CCT6A: variants seen among roughly 807,000 people sequenced by gnomAD.
The protein encoded by CCT6A is T-complex protein 1 subunit zeta.
In CCT6A, 6 loss-of-function variants were observed where a neutral mutation model predicts 58.6. The observed-to-expected ratio is 0.10, with a 90% CI of 0.06 to 0.20. The LOEUF is 0.20. Ranked by LOEUF, CCT6A falls within the 10% of genes least tolerant of loss-of-function variation. The pLI is 1.00. For missense variants in CCT6A, 516 were observed against 648.8 expected, an observed-to-expected ratio of 0.80 and a Z score of 2.22; for synonymous variants, 245 against 227.8, an observed-to-expected ratio of 1.08 and a Z score of -0.68.
intron 3 of CCT6A, 134 bp downstream of exon 3, chr7:56,054,637 C>A: frequency 1.3e-6 from 1 of 794,500 alleles, no homozygotes. Context: ...GGTCTTTATC[C>A]TGGTCTAAAA....
At chr7:56,052,875 C>T (rs973794701) in intron 2 of CCT6A, among the ~76,000 whole-genome samples, 6 of 151,742 alleles carry the variant, frequency 4.0e-5, no homozygotes, top group Non-Finnish European at 8.8e-5. Context: ...CTCACTGCAA[C>T]CTCTCCCTCC....
intron 13 of CCT6A, 48 bp downstream of exon 13, chr7:56,062,803 T>C (rs749624250): frequency 1.3e-6 from 2 of 1,496,218 alleles, no homozygotes; most frequent in East Asian, 4.5e-5. Flanking sequence ...TCATACTTTT[T>C]TCATTTGGTG....
intron 2 of CCT6A, among the ~76,000 whole-genome samples, chr7:56,052,866 T>A (rs1584544844): frequency 1.3e-5 from 2 of 150,912 alleles, no homozygotes; most frequent in East Asian, 2.0e-4. Context: ...CAATCTCAAC[T>A]CACTGCAACC....
At position 56,051,772 on chromosome 7, in the gene CCT6A, C is replaced by G. The variant is rs904308540; in HGVS notation, c.-77C>G. On this transcript the variant is annotated 5_prime_UTR_variant, in exon 1 of 14. Coordinates refer to ENST00000275603, the MANE Select transcript of CCT6A (RefSeq NM_001762.4). Reference sequence around the variant, plus strand: ...AGACGGGCCGACTTTTCCAGAAGACCCGGATAGTTCCTCCCGGCCACGCCG... The same window carrying G: ...AGACGGGCCGACTTTTCCAGAAGACGCGGATAGTTCCTCCCGGCCACGCCG... 31 of 1,516,258 alleles carry G rather than the reference C, an allele frequency of 2.0e-5. No individual in the cohort carries two copies. Among genetic ancestry groups the G allele is most frequent in the African/African-American group, 8.6e-5 (6 of 69,848 alleles). The allele number at this position is 1,516,258 out of a possible 1,614,324, so 93.9% of individuals were successfully genotyped here. A position where few individuals can be genotyped will look rare whatever the true frequency, so the allele number is the denominator to read the frequency against.
At chr7:56,062,626 C>T in intron 12 of CCT6A, 57 bp from the exon 13 acceptor site, 1 of 1,372,434 alleles carries the variant, frequency 7.3e-7, no homozygotes, top group Non-Finnish European at 1.0e-6. Flanking sequence ...CAAAGCTGCA[C>T]ACAATATTGT....
Position 56,063,082 on chromosome 7 carries a change from T to C in CCT6A, c.1593T>C (p.Gly531=). The change falls in exon 14 of 14, where the codon GGT becomes GGC. Residue 531 remains glycine (G), a synonymous_variant. Coordinates refer to ENST00000275603, the MANE Select transcript of CCT6A (RefSeq NM_001762.4). The stretch of plus-strand genomic sequence containing the variant: ...GAGCTGGAATGTCTTCTCTGAAAGG[T>C]TGAATTGAAGCTTCCTCTGTATCTG... ...IMRAGMSSLK[G] 8.1e-6 allele frequency: 13 copies of C among 1,597,346 alleles called. No homozygotes were observed. The highest frequency in any genetic ancestry group is 1.1e-5 in the South Asian group (1 of 90,766).
At chr7:56,062,329 A>G (rs1256596304) in intron 12 of CCT6A, among the ~76,000 whole-genome samples, 1 of 152,220 alleles carries the variant, frequency 6.6e-6, no homozygotes, top group Non-Finnish European at 1.5e-5. Flanking sequence ...AGGTACCTCC[A>G]TGCAGTATGT....
intron 3 of CCT6A, chr7:56,055,363 G>A (rs1288882047): frequency 2.8e-5 from 15 of 541,532 alleles, no homozygotes; most frequent in Non-Finnish European, 5.1e-5. Flanking sequence ...ATTCAGAGTG[G>A]TTTGCACAGT....
At position 56,060,261 on chromosome 7, in the gene CCT6A, A is replaced by G; in HGVS notation, c.1066-8A>G. 6.2e-6 allele frequency: 10 copies of G among 1,611,756 alleles called. No homozygotes were observed. The highest frequency in any genetic ancestry group is 1.3e-5 in the African/African-American group (1 of 74,950). ...TGTTTTTGAAAATCATATTTTTTCT[A>G]CACATAGGGAGAAGAGAAGTTTACC... On this transcript the variant is annotated splice_region_variant and splice_polypyrimidine_tract_variant and intron_variant, in intron 9 of 13. Coordinates refer to ENST00000275603, the MANE Select transcript of CCT6A (RefSeq NM_001762.4).
chr7:56,056,357 T>C lies in CCT6A; in HGVS notation c.557T>C (p.Ile186Thr), dbSNP rs781645918. 6.2e-7 allele frequency: 1 copy of C among 1,603,486 alleles called. No individual in the cohort carries two copies. The highest frequency in any genetic ancestry group is 8.5e-7 in the Non-Finnish European group (1 of 1,170,264). Residue 186 changes from isoleucine to threonine, a missense_variant, in exon 5 of 14, where the codon ATT becomes ACT. This residue lies in a region of CCT6A where 85 missense variants were observed against 74.9 expected (regional missense o/e 1.13). Coordinates refer to ENST00000275603, the MANE Select transcript of CCT6A (RefSeq NM_001762.4). ...GCCATTAAAAAGCAAGATGAACCTA[T>C]TGATCTCTTCATGATTGAGATCATG... ...ILAIKKQDEP[I>T]DLFMIEIMEM...
chr7:56,056,620 G>T (rs1400377728), intron 5 of CCT6A, among the ~76,000 whole-genome samples: 3 of 151,800 alleles, frequency 2.0e-5, no homozygotes, highest in Non-Finnish European at 4.4e-5. Flanking sequence ...TACTCGGGAG[G>T]CTGAGGCAGC....
intron 2 of CCT6A, among the ~76,000 whole-genome samples, chr7:56,053,628 C>T (rs1037015645): frequency 1.5e-4 from 23 of 152,050 alleles, no homozygotes; most frequent in Admixed American, 1.3e-4. Context: ...GTCCTGCACG[C>T]CTGTAGTCCC....
intron 2 of CCT6A, among the ~76,000 whole-genome samples, chr7:56,052,716 T>C (rs1794176469): frequency 6.6e-6 from 1 of 152,154 alleles, no homozygotes; most frequent in Non-Finnish European, 1.5e-5. Context: ...AGTTAATTAT[T>C]TTAAAACTTG....
Position 56,055,667 on chromosome 7 carries a change from A to C in CCT6A, c.380A>C (p.Lys127Thr), listed in dbSNP as rs1794289558. Reference protein sequence around the residue: ...RIITEGFEAAKEKALQFLEEV... With the variant: ...RIITEGFEAATEKALQFLEEV... ...ATCACTGAAGGATTTGAAGCTGCAA[A>C]GGAAAAGGCCCTTCAGTTTTTGGAA... Residue 127 changes from lysine (K) to threonine (T), a missense_variant, in exon 4 of 14, where the codon AAG becomes ACG. Transcript: ENST00000275603. 2.5e-6 allele frequency: 4 copies of C among 1,613,892 alleles called. No individual in the cohort carries two copies. The East Asian group carries it at 8.9e-5, about 36-fold the overall frequency.
At chr7:56,062,852 G>T (rs1293132058) in intron 13 of CCT6A, 97 bp downstream of exon 13, 3 of 1,201,274 alleles carry the variant, frequency 2.5e-6, no homozygotes, top group Non-Finnish European at 3.7e-6. Context: ...TGAATAATGT[G>T]ATCAGCTGGA....
chr7:56,053,081 C>A (rs1794213253), intron 2 of CCT6A, among the ~76,000 whole-genome samples: 1 of 152,090 alleles, frequency 6.6e-6, no homozygotes, highest in South Asian at 2.1e-4. Context: ...AGGCCCGTGC[C>A]CAGCTGGGTT....
At chr7:56,052,950 C>T (rs1337450716) in intron 2 of CCT6A, among the ~76,000 whole-genome samples, 16 of 152,106 alleles carry the variant, frequency 1.1e-4, no homozygotes, top group Non-Finnish European at 1.9e-4. Flanking sequence ...CGCGCCACTA[C>T]GCCCAGTTGA....
intron 11 of CCT6A, 162 bp from the exon 12 acceptor site, chr7:56,061,585 G>A: frequency 2.3e-6 from 1 of 434,694 alleles, no homozygotes; most frequent in Admixed American, 4.5e-5. Context: ...GACCTCAGGT[G>A]ATCCACCTTC....
rs1481196608 is a variant in CCT6A at position 56,058,123 on chromosome 7, A to G, written c.725+20A>G. On this transcript the variant is annotated intron_variant, in intron 6 of 13. Transcript: ENST00000275603. ...GAAAACGTAAGTTTATAGCCCCTTAACAGTGAAATGGAGAAGCTTCGTATT... is the reference window on the plus strand; with the variant it reads ...GAAAACGTAAGTTTATAGCCCCTTAGCAGTGAAATGGAGAAGCTTCGTATT... 1 of 1,323,682 alleles carries G rather than the reference A, an allele frequency of 7.6e-7. No individual in the cohort carries two copies. Among genetic ancestry groups the G allele is most frequent in the Non-Finnish European group, 1.1e-6 (1 of 921,410 alleles). 82.0% of individuals were successfully genotyped at this position (1,323,682 alleles called of 1,614,324 possible). A position where few individuals can be genotyped will look rare whatever the true frequency, so the allele number is the denominator to read the frequency against.
Sources: gnomAD v4.1 joint callset for allele counts (sites outside exome capture counted in the v4.1 genomes callset) on GRCh38, gnomAD v4.1.1 for gene constraint, gnomAD v4.1.1 regional missense constraint, MANE v1.5 for transcripts, NCBI Gene and HGNC (gene_info 2026-07-23, HGNC 2026-07-21) for gene names.